Variants in RUNX1T1 observed in about 807,000 individuals in gnomAD.
The protein encoded by RUNX1T1 is protein CBFA2T1.
Under a neutral mutation model 62.8 loss-of-function variants are expected in RUNX1T1, and 4 were observed. That is an observed-to-expected ratio of 0.06 (90% CI 0.03 to 0.15). The LOEUF (loss-of-function observed/expected upper bound fraction) is 0.15, where lower values mean the gene tolerates loss of function less well. Ranked by LOEUF, RUNX1T1 falls within the 10% of genes least tolerant of loss-of-function variation. The pLI, the probability that RUNX1T1 is intolerant of heterozygous loss-of-function variation, is 1.00. For synonymous variants in RUNX1T1, 291 were observed against 286.0 expected (o/e 1.02, Z -0.18); for missense variants, 508 against 754.3 (o/e 0.67, Z 3.82).
chr8:92,097,909 A>T (rs1361018118), intron 1 of RUNX1T1, among the ~76,000 whole-genome samples: 1 of 152,260 alleles, frequency 6.6e-6, no homozygotes, highest in Non-Finnish European at 1.5e-5. Context: ...CAGCAATACA[A>T]TAATCAAGAA....
intron 4 of RUNX1T1, among the ~76,000 whole-genome samples, chr8:92,007,183 T>A (rs958432369): frequency 2.0e-5 from 3 of 152,182 alleles, no homozygotes; most frequent in Non-Finnish European, 4.4e-5. Flanking sequence ...CATCCTGGGC[T>A]GGGTGTAGTG....
chr8:92,036,543 T>C lies in RUNX1T1; in HGVS notation c.8-19180A>G, dbSNP rs1313072702. Among the ~76,000 whole-genome samples, 4 of 152,208 alleles carry C rather than the reference T, an allele frequency of 2.6e-5. No homozygotes were observed. In the East Asian group the frequency reaches 7.7e-4, roughly 29 times the overall value. On this transcript the variant is annotated intron_variant, in intron 1 of 10. Coordinates refer to ENST00000396218, the Ensembl canonical transcript of RUNX1T1. Reference sequence around the variant, plus strand: ...TTCCTTGAGTGACAGCAAGAAAAACTGTTGGGAACTTCTGTTTTGAGGGAT... The same window carrying C: ...TTCCTTGAGTGACAGCAAGAAAAACCGTTGGGAACTTCTGTTTTGAGGGAT...
At chr8:92,019,730 G>A (rs935106321) in intron 1 of RUNX1T1, among the ~76,000 whole-genome samples, 1 of 152,040 alleles carries the variant, frequency 6.6e-6, no homozygotes, top group African/African-American at 2.4e-5. Context: ...TCAATTTTAA[G>A]TTTGTATTTA....
At position 91,971,558 on chromosome 8, in the gene RUNX1T1, C is replaced by T. The variant is rs1049096454; in HGVS notation, c.1268-710G>A. 5.3e-5 allele frequency among the ~76,000 whole-genome samples: 8 copies of T among 152,126 alleles called. No individual in the cohort carries two copies. The East Asian group carries it at 1.3e-3, about 26-fold the overall frequency. ...AAAAATCAATGCTATAATGGATGAT[C>T]CAGTTTTACTTTTGAAAAGTCATTT... is the stretch of plus-strand genomic sequence containing the variant. On this transcript the variant is annotated intron_variant, in intron 9 of 10. Transcript: ENST00000396218.
At chr8:91,986,630 C>A (rs1193912568) in intron 7 of RUNX1T1, among the ~76,000 whole-genome samples, 1 of 152,196 alleles carries the variant, frequency 6.6e-6, no homozygotes, top group African/African-American at 2.4e-5. Flanking sequence ...ATGACCTTTT[C>A]ACAATAGAAC....
chr8:92,006,078 C>T lies in RUNX1T1; in HGVS notation c.478-781G>A, dbSNP rs1373261301. On this transcript the variant is annotated intron_variant, in intron 4 of 10. Coordinates refer to ENST00000396218, the Ensembl canonical transcript of RUNX1T1. ...CACTCTTCCTCCTCAGCTAGGTCAGCACCTTGAATAAAGAACGGGCTGGTT... is the reference window on the plus strand; with the variant it reads ...CACTCTTCCTCCTCAGCTAGGTCAGTACCTTGAATAAAGAACGGGCTGGTT... 9 of 151,896 alleles carry T rather than the reference C, an allele frequency of 5.9e-5. No homozygotes were observed. In the East Asian group the frequency reaches 1.7e-3, roughly 29 times the overall value. The allele number at this position is 151,896 out of a possible 1,614,324, so 9.4% of individuals were successfully genotyped here.
At chr8:92,005,017 T>C in intron 5 of RUNX1T1, 99 bp downstream of exon 6, 1 of 1,035,726 alleles carries the variant, frequency 9.7e-7, no homozygotes, top group South Asian at 1.6e-5. Context: ...TGTGCAAGAA[T>C]GACATAGGCC....
chr8:91,986,982 T>C lies in RUNX1T1; in HGVS notation c.911-10A>G, dbSNP rs1335254577. The C allele has an allele frequency of 6.3e-7, 1 of 1,579,998 alleles. No individual in the cohort carries two copies. Among genetic ancestry groups the C allele is most frequent in the Non-Finnish European group, 8.7e-7 (1 of 1,149,524 alleles). ...CGTGTGCCATGCAACCCTACAAAAA[T>C]AGAGAAGGCTGAATAACCCTAAAGC... On this transcript the variant is annotated splice_polypyrimidine_tract_variant and intron_variant, in intron 6 of 10. Coordinates refer to ENST00000396218, the Ensembl canonical transcript of RUNX1T1.
At chr8:92,060,169 T>C (rs915454283) in intron 1 of RUNX1T1, among the ~76,000 whole-genome samples, 2 of 152,122 alleles carry the variant, frequency 1.3e-5, no homozygotes, top group Non-Finnish European at 2.9e-5. Flanking sequence ...ATCTAGTTGT[T>C]ACAAAAGTGA....
intron 8 of RUNX1T1, among the ~76,000 whole-genome samples, chr8:91,978,334 C>T (rs1233587498): frequency 6.6e-6 from 1 of 152,124 alleles, no homozygotes. Context: ...GAGAGCACTG[C>T]TGTGAAGATT....
At chr8:91,970,964 C>G in intron 9 of RUNX1T1, 116 bp from the exon 11 acceptor site, 1 of 811,168 alleles carries the variant, frequency 1.2e-6, no homozygotes, top group Admixed American at 3.6e-5. Context: ...GGTCTCGAAC[C>G]CCTGGGCTCA....
At chr8:92,034,791 CATATAT>C (rs145057755) in intron 1 of RUNX1T1, among the ~76,000 whole-genome samples, 13 of 115,538 alleles carry the variant, frequency 1.1e-4, no homozygotes, top group African/African-American at 3.8e-4. Flanking sequence ...TATATATATA[CATATAT>C]ACACACACAC....
Sources: allele counts gnomAD v4.1 joint callset (sites outside exome capture counted in the v4.1 genomes callset), GRCh38; gene constraint gnomAD v4.1.1; transcripts MANE v1.5; gene names NCBI Gene and HGNC (gene_info 2026-07-23, HGNC 2026-07-21).